Variants in PIGL observed in about 807,000 individuals in gnomAD.
The protein encoded by PIGL is phosphatidylinositol glycan anchor biosynthesis class L.
PIGL carries 22 observed loss-of-function variants against 31.1 expected under a neutral mutation model. The observed-to-expected ratio is 0.71, with a 90% CI of 0.51 to 1.01. The LOEUF (loss-of-function observed/expected upper bound fraction) is 1.01. Ranked by LOEUF, PIGL falls within the 50% of genes least tolerant of loss-of-function variation. The pLI, the probability that PIGL is intolerant of heterozygous loss-of-function variation, is 0.00. For missense variants in PIGL, 302 were observed against 315.9 expected (o/e 0.96, Z 0.33); for synonymous variants, 131 against 117.4 (o/e 1.12, Z -0.75).
At chr17:16,258,831 T>C (rs2092808116) in intron 2 of PIGL, among the ~76,000 whole-genome samples, 1 of 152,166 alleles carries the variant, frequency 6.6e-6, no homozygotes, top group Non-Finnish European at 1.5e-5. Context: ...TTAACCAAAA[T>C]GAATTTAGTT....
intron 2 of PIGL, among the ~76,000 whole-genome samples, chr17:16,289,516 C>G (rs954137691): frequency 1.3e-5 from 2 of 152,314 alleles, no homozygotes; most frequent in Middle Eastern, 3.4e-3. Context: ...AACTTACCCA[C>G]GCACATCAGC....
At chr17:16,299,469 A>G (rs1432823616) in intron 2 of PIGL, among the ~76,000 whole-genome samples, 1 of 152,160 alleles carries the variant, frequency 6.6e-6, no homozygotes, top group Admixed American at 6.6e-5. Context: ...AAACAAAACA[A>G]AAAAAACCTC....
intron 2 of PIGL, among the ~76,000 whole-genome samples, chr17:16,243,959 C>T (rs983534250): frequency 6.6e-5 from 10 of 152,114 alleles, no homozygotes; most frequent in African/African-American, 1.4e-4. Flanking sequence ...GTGGGTGGGG[C>T]GAAGCCAGTG....
intron 2 of PIGL, among the ~76,000 whole-genome samples, chr17:16,294,931 G>C (rs1458231368): frequency 6.6e-6 from 1 of 152,152 alleles, no homozygotes; most frequent in Non-Finnish European, 1.5e-5. Flanking sequence ...CCCTTCTGCT[G>C]TGGCCAGTCT....
chr17:16,228,467 C>A (rs2092663167), intron 1 of PIGL, among the ~76,000 whole-genome samples: 1 of 152,166 alleles, frequency 6.6e-6, no homozygotes, highest in African/African-American at 2.4e-5. Context: ...TCACTGCAAG[C>A]TCCGCCTCCC....
chr17:16,259,803 G>A (rs2092811835), intron 2 of PIGL, among the ~76,000 whole-genome samples: 2 of 152,268 alleles, frequency 1.3e-5, no homozygotes, highest in South Asian at 4.1e-4. Context: ...GAACAGGCGG[G>A]AGCCCTACTC....
chr17:16,292,068 T>C (rs2092963467), intron 2 of PIGL, among the ~76,000 whole-genome samples: 1 of 140,816 alleles, frequency 7.1e-6, no homozygotes, highest in African/African-American at 2.6e-5. Context: ...GGAGCCTTGC[T>C]CTGTCACCCA....
Position 16,266,066 on chromosome 17 carries a change from T to C in PIGL, c.335+31996T>C, listed in dbSNP as rs1015143421. Among the ~76,000 whole-genome samples the C allele has an allele frequency of 1.3e-5, 2 of 152,052 alleles. 1 individual carries two copies. Among genetic ancestry groups the C allele is most frequent in the Admixed American group, 1.3e-4 (2 of 15,256 alleles). ...AAAGTATCTGGCTGTCATGACTCTT[T>C]CTAGAAAAATCTCAGTGCTGTTTTA... On this transcript the variant is annotated intron_variant, in intron 2 of 6. Coordinates refer to ENST00000225609, the MANE Select transcript of PIGL (RefSeq NM_004278.4).
intron 2 of PIGL, among the ~76,000 whole-genome samples, chr17:16,260,352 G>A (rs2092814132): frequency 6.6e-6 from 1 of 152,134 alleles, no homozygotes; most frequent in Admixed American, 6.6e-5. Flanking sequence ...TGCTTTTTCT[G>A]GACCTGCCCA....
intron 2 of PIGL, among the ~76,000 whole-genome samples, chr17:16,294,373 G>A (rs1290286215): frequency 6.6e-6 from 1 of 152,164 alleles, no homozygotes; most frequent in Non-Finnish European, 1.5e-5. Flanking sequence ...CTTCTGGGGT[G>A]AAACTGGCTA....
At chr17:16,234,606 A>G (rs1568783775) in intron 2 of PIGL, among the ~76,000 whole-genome samples, 1 of 152,024 alleles carries the variant, frequency 6.6e-6, no homozygotes, top group Non-Finnish European at 1.5e-5. Flanking sequence ...ATCTACTAAA[A>G]CTACAAAAAT....
chr17:16,309,816 C>T (rs763328969), intron 3 of PIGL, among the ~76,000 whole-genome samples: 10 of 151,620 alleles, frequency 6.6e-5, no homozygotes, highest in South Asian at 2.1e-4. Flanking sequence ...CGGTGGCTCA[C>T]GCCTGTAATC....
rs529480311 is a variant in PIGL at position 16,238,195 on chromosome 17, C to CA, written c.335+4143dup. On this transcript the variant is annotated intron_variant, in intron 2 of 6. Transcript: ENST00000225609. The stretch of plus-strand genomic sequence containing the variant: ...TGGGTGACAGGATGAGACTCCGTCT[C>CA]AAAAAAAAAAAAAAAAAAGAATTTA... 8.8e-3 allele frequency among the ~76,000 whole-genome samples: 497 copies of CA among 56,634 alleles called. 7 individuals are homozygous for CA. The highest frequency in any genetic ancestry group is 0.047 in the East Asian group (92 of 1,970). 37.2% of individuals were successfully genotyped at this position (56,634 alleles called of 152,430 possible).
At chr17:16,266,832 C>A (rs535328712) in intron 2 of PIGL, among the ~76,000 whole-genome samples, 1 of 150,444 alleles carries the variant, frequency 6.6e-6, no homozygotes, top group African/African-American at 2.4e-5. Context: ...CTCCTGACCT[C>A]GTGATTTGCC....
At chr17:16,260,081 C>T (rs2092813073) in intron 2 of PIGL, among the ~76,000 whole-genome samples, 1 of 152,236 alleles carries the variant, frequency 6.6e-6, no homozygotes, top group Non-Finnish European at 1.5e-5. Context: ...TTGGCCCTCT[C>T]TGGGCTTTGG....
chr17:16,223,723 GA>G lies in PIGL; in HGVS notation c.235+6274del, dbSNP rs75822181. ...AGTGAGACCCCATCTATTTAAAAAA[GA>G]AAAAAAAAAAAGAAAGCTCATTCTG... On this transcript the variant is annotated intron_variant, in intron 1 of 6. Coordinates refer to ENST00000225609, the MANE Select transcript of PIGL (RefSeq NM_004278.4). 1.4e-3 allele frequency among the ~76,000 whole-genome samples: 179 copies of G among 132,534 alleles called. 1 individual carries two copies. Among genetic ancestry groups the G allele is most frequent in the Middle Eastern group, 3.7e-3 (1 of 268 alleles). The allele number at this position is 132,534 out of a possible 152,430, so 86.9% of individuals were successfully genotyped here.
intron 2 of PIGL, among the ~76,000 whole-genome samples, chr17:16,271,060 A>G (rs1441460393): frequency 6.6e-6 from 1 of 152,154 alleles, no homozygotes; most frequent in Non-Finnish European, 1.5e-5. Context: ...GAATGTATGT[A>G]TTTCTTTATT....
rs1012495456 is a variant in PIGL, at chr17:16,295,686, G to A, written c.336-4202G>A. Among the ~76,000 whole-genome samples, 6 of 152,220 alleles carry A rather than the reference G, an allele frequency of 3.9e-5. No individual in the cohort carries two copies. The East Asian group carries it at 9.7e-4, about 25-fold the overall frequency. On this transcript the variant is annotated intron_variant, in intron 2 of 6. Transcript: ENST00000225609. ...CAGCCAGGTGTGGTGGCTCACGCCT[G>A]TACTCCCAGCACTTTGGGAGGCCAA... is the stretch of plus-strand genomic sequence containing the variant.
At chr17:16,247,202 A>G (rs921680366) in intron 2 of PIGL, among the ~76,000 whole-genome samples, 1 of 152,146 alleles carries the variant, frequency 6.6e-6, no homozygotes, top group Non-Finnish European at 1.5e-5. Context: ...CTATCTCAAA[A>G]TAGTTACAAT....
Sources: allele counts gnomAD v4.1 joint callset (sites outside exome capture counted in the v4.1 genomes callset), GRCh38; gene constraint gnomAD v4.1.1; transcripts MANE v1.5; gene names NCBI Gene and HGNC (gene_info 2026-07-23, HGNC 2026-07-21).